CALU: variants seen among roughly 807,000 people sequenced by gnomAD.
CALU encodes calumenin.
In CALU, 13 loss-of-function variants were observed where a neutral mutation model predicts 37.5. That is an observed-to-expected ratio of 0.35 (90% CI 0.23 to 0.55). CALU has a LOEUF of 0.55. Ranked by LOEUF, CALU falls within the 20% of genes least tolerant of loss-of-function variation. CALU has a pLI of 0.89. For synonymous variants in CALU, 114 were observed against 133.8 expected, an observed-to-expected ratio of 0.85 and a Z score of 1.02; for missense variants, 282 against 391.7, an observed-to-expected ratio of 0.72 and a Z score of 2.36.
At position 128,758,876 on chromosome 7, in the gene CALU, C is replaced by G; in HGVS notation, c.421C>G (p.Pro141Ala). Residue 141 changes from proline to alanine, a missense_variant, in exon 4 of 7, where the codon CCA (proline) becomes GCA (alanine). Transcript: ENST00000249364. The part of the protein sequence containing the change: ...NATYGYVLDD[P>A]DPDDGFNYKQ... ...CCTAAATTTTTGTTTTCTAGATGAT[C>G]CAGATCCTGATGATGGATTTAACTA... 6.2e-7 allele frequency: 1 copy of G among 1,611,072 alleles called. No individual in the cohort carries two copies. Among genetic ancestry groups the G allele is most frequent in the Non-Finnish European group, 8.5e-7 (1 of 1,178,220 alleles).
In CALU at chr7:128,768,847, C is replaced by CAAAAAAAAAA. The variant is rs1012831963; in HGVS notation, c.844-204_844-195dup. 1.6e-3 allele frequency among the ~76,000 whole-genome samples: 86 copies of CAAAAAAAAAA among 55,130 alleles called. 1 individual carries two copies. The highest frequency in any genetic ancestry group is 2.2e-3 in the African/African-American group (26 of 11,558). The allele number at this position is 55,130 out of a possible 152,430, so 36.2% of individuals were successfully genotyped here. A position where few individuals can be genotyped will look rare whatever the true frequency, so the allele number is the denominator to read the frequency against. On this transcript the variant is annotated intron_variant, in intron 6 of 6. Transcript: ENST00000249364. ...GGGCAACAAGAGCGAAACTCCGTCTCAAAAAAAAAAAAAAAAAAAAACAAG... is the reference window on the plus strand; with the variant it reads ...GGGCAACAAGAGCGAAACTCCGTCTCAAAAAAAAAAAAAAAAAAAAAAAAAAAAAAACAAG...
chr7:128,748,627 C>T lies in CALU; in HGVS notation c.44C>T (p.Ala15Val), dbSNP rs779855778. 1.2e-6 allele frequency: 2 copies of T among 1,614,094 alleles called. No individual in the cohort carries two copies. Among genetic ancestry groups the T allele is most frequent in the East Asian group, 2.2e-5 (1 of 44,890 alleles). ...QFLMCLSLCT[A>V]FALSKPTEKK... ...CTTATGTGCCTGTCCCTGTGCACAG[C>T]CTTTGCCTTGAGCAAACCCACAGAA... Residue 15 changes from alanine (A) to valine (V), a missense_variant, in exon 2 of 7, where the codon GCC becomes GTC. Transcript: ENST00000249364.
chr7:128,741,321 C>T (rs1800232065), intron 1 of CALU, among the ~76,000 whole-genome samples: 1 of 152,166 alleles, frequency 6.6e-6, no homozygotes, highest in African/African-American at 2.4e-5. Flanking sequence ...TGCCAAGTAC[C>T]GCCCAATTAA....
At chr7:128,741,481 A>C (rs1033599387) in intron 1 of CALU, among the ~76,000 whole-genome samples, 1 of 152,324 alleles carries the variant, frequency 6.6e-6, no homozygotes, top group Admixed American at 6.5e-5. Context: ...AGCTAAGGAG[A>C]CAACTTAAGG....
rs890391366 is a variant in CALU at position 128,773,050 on chromosome 7, T to C, written c.*3883T>C. Among the ~76,000 whole-genome samples the C allele has an allele frequency of 3.9e-5, 6 of 152,244 alleles. No homozygotes were observed. In the South Asian group the frequency reaches 1.2e-3, roughly 31 times the overall value. On this transcript the variant is annotated 3_prime_UTR_variant, in exon 7 of 7. Coordinates refer to ENST00000249364, the MANE Select transcript of CALU (RefSeq NM_001219.5). ...CTGGGATTGAGGAAACAATACCATCTGAAAGTAGGGTTTTTGCCACTTAGG... is the reference window on the plus strand; with the variant it reads ...CTGGGATTGAGGAAACAATACCATCCGAAAGTAGGGTTTTTGCCACTTAGG...
At chr7:128,768,327 T>G (rs1482151194) in intron 6 of CALU, among the ~76,000 whole-genome samples, 2 of 152,182 alleles carry the variant, frequency 1.3e-5, no homozygotes, top group Non-Finnish European at 2.9e-5. Flanking sequence ...AGTGTTGATC[T>G]GCTTTAAGTT....
At chr7:128,762,063 A>T (rs2128882016) in intron 5 of CALU, among the ~76,000 whole-genome samples, 1 of 151,468 alleles carries the variant, frequency 6.6e-6, no homozygotes, top group South Asian at 2.1e-4. Flanking sequence ...TTTTTGGAGA[A>T]GTTTATCAGG....
Position 128,748,649 on chromosome 7 carries a change from A to G in CALU, c.66A>G (p.Thr22=), listed in dbSNP as rs568872996. The change falls in exon 2 of 7, where the codon ACA becomes ACG. Residue 22 remains threonine, a synonymous_variant. Coordinates refer to ENST00000249364, the MANE Select transcript of CALU (RefSeq NM_001219.5). ...CAGCCTTTGCCTTGAGCAAACCCAC[A>G]GAAAAGAAGGACCGTGTACATCATG... The part of the protein sequence containing the change: ...LCTAFALSKP[T]EKKDRVHHEP... 5.0e-6 allele frequency: 8 copies of G among 1,614,254 alleles called. No homozygotes were observed. In the African/African-American group the frequency reaches 1.1e-4, roughly 22 times the overall value.
chr7:128,765,214 G>GT (rs1181463253), intron 5 of CALU, among the ~76,000 whole-genome samples: 2 of 151,854 alleles, frequency 1.3e-5, no homozygotes, highest in East Asian at 3.9e-4. Context: ...CCGACCTCCT[G>GT]TTTCTTTTTT....
In CALU at chr7:128,769,338, A is replaced by C. The variant is rs916605081; in HGVS notation, c.*171A>C. ...TCCTCCTCTCTGAGGGACTGGAGGG[A>C]AGCCGTGCTTCTGAGGAACAACTCT... On this transcript the variant is annotated 3_prime_UTR_variant, in exon 7 of 7. Coordinates refer to ENST00000249364, the MANE Select transcript of CALU (RefSeq NM_001219.5). 2.2e-5 allele frequency: 11 copies of C among 511,362 alleles called. No individual in the cohort carries two copies. Among genetic ancestry groups the C allele is most frequent in the African/African-American group, 2.1e-4 (11 of 52,070 alleles). The allele number at this position is 511,362 out of a possible 1,614,324, so 31.7% of individuals were successfully genotyped here.
chr7:128,748,593 C>A lies in CALU; in HGVS notation c.10C>A (p.Arg4=). Residue 4 remains arginine (R), a synonymous_variant, in exon 2 of 7, where the codon CGA becomes AGA. Coordinates refer to ENST00000249364, the MANE Select transcript of CALU (RefSeq NM_001219.5). ...TCAAGATCTAATTATCATGGACCTGCGACAGTTTCTTATGTGCCTGTCCCT... is the reference window on the plus strand; with the variant it reads ...TCAAGATCTAATTATCATGGACCTGAGACAGTTTCTTATGTGCCTGTCCCT... MDL[R]QFLMCLSLCT... 6.2e-7 allele frequency: 1 copy of A among 1,613,610 alleles called. No individual in the cohort carries two copies. Among genetic ancestry groups the A allele is most frequent in the Non-Finnish European group, 8.5e-7 (1 of 1,179,582 alleles).
chr7:128,758,437 A>G (rs1028562001), intron 3 of CALU, among the ~76,000 whole-genome samples: 4 of 152,216 alleles, frequency 2.6e-5, no homozygotes, highest in Non-Finnish European at 4.4e-5. Flanking sequence ...TTTAAACCTT[A>G]CAACAATCCT....
At position 128,771,425 on chromosome 7, in the gene CALU, GCAATGCGAA is replaced by G. The variant is rs1801559191; in HGVS notation, c.*2261_*2269del. On this transcript the variant is annotated 3_prime_UTR_variant, in exon 7 of 7. Coordinates refer to ENST00000249364, the MANE Select transcript of CALU (RefSeq NM_001219.5). ...GAGTGTAAACCAAGTTTTATATTCTGCAATGCGAACAGGTACCTATCTGTTTCTAAATAA... is the reference window on the plus strand; with the variant it reads ...GAGTGTAAACCAAGTTTTATATTCTGCAGGTACCTATCTGTTTCTAAATAA... 6.6e-6 allele frequency: 1 copy of G among 152,524 alleles called. No homozygotes were observed. Among genetic ancestry groups the G allele is most frequent in the Non-Finnish European group, 1.5e-5 (1 of 68,032 alleles). The allele number at this position is 152,524 out of a possible 1,614,324, so 9.4% of individuals were successfully genotyped here.
At chr7:128,764,654 A>AT (rs1801256218) in intron 5 of CALU, among the ~76,000 whole-genome samples, 1 of 152,194 alleles carries the variant, frequency 6.6e-6, no homozygotes, top group South Asian at 2.1e-4. Context: ...TGAAAGTGGC[A>AT]TTGTGGGTAT....
rs562081781 is a variant in CALU at position 128,756,438 on chromosome 7, C to T, written c.415+1983C>T. Among the ~76,000 whole-genome samples the T allele has an allele frequency of 6.0e-4, 91 of 152,298 alleles. 1 individual carries two copies. The East Asian group carries it at 0.016, about 27-fold the overall frequency. On this transcript the variant is annotated intron_variant, in intron 3 of 6. Coordinates refer to ENST00000249364, the MANE Select transcript of CALU (RefSeq NM_001219.5). The stretch of plus-strand genomic sequence containing the variant: ...AGCAATGTCTTTATAAGGCATCTTT[C>T]CCCAGAGGCATGAGGGTGGACAGCA...
At chr7:128,748,272 A>G (rs966034719) in intron 1 of CALU, 2 of 939,616 alleles carry the variant, frequency 2.1e-6, no homozygotes, top group Non-Finnish European at 3.2e-6. Context: ...GGGCAAAAGG[A>G]TTAAAATTCT....
chr7:128,768,857 A>AAAAAAAAAAAAAAAC, intron 6 of CALU, among the ~76,000 whole-genome samples: 2 of 150,342 alleles, frequency 1.3e-5, no homozygotes, highest in Non-Finnish European at 3.0e-5. Context: ...CAAAAAAAAA[A>AAAAAAAAAAAAAAAC]AAAAAAAAAA....
intron 5 of CALU, among the ~76,000 whole-genome samples, chr7:128,760,717 G>A (rs1343136034): frequency 1.3e-5 from 2 of 152,128 alleles, no homozygotes; most frequent in South Asian, 2.1e-4. Context: ...GACCATCCTG[G>A]CTAACACAGT....
chr7:128,766,254 A>T (rs1047661844), intron 5 of CALU, among the ~76,000 whole-genome samples: 3 of 151,272 alleles, frequency 2.0e-5, no homozygotes, highest in African/African-American at 7.3e-5. Context: ...GAGCCACTGC[A>T]CCCAGCCCAA....
Sources: gnomAD v4.1 joint callset for allele counts (sites outside exome capture counted in the v4.1 genomes callset) on GRCh38, gnomAD v4.1.1 for gene constraint, MANE v1.5 for transcripts, NCBI Gene and HGNC (gene_info 2026-07-23, HGNC 2026-07-21) for gene names.